SIN3A: variants seen among roughly 807,000 people sequenced by gnomAD.
SIN3A encodes SIN3 transcription regulator family member A.
In SIN3A, 14 loss-of-function variants were observed where a neutral mutation model predicts 146.1. The observed-to-expected ratio is 0.10, with a 90% CI of 0.06 to 0.15. The LOEUF is 0.15. SIN3A is among the 10% of genes least tolerant of loss of function. SIN3A has a pLI of 1.00. For missense variants in SIN3A, 1,028 were observed against 1,576.0 expected, an observed-to-expected ratio of 0.65 and a Z score of 5.89; for synonymous variants, 572 against 572.0, an observed-to-expected ratio of 1.00 and a Z score of 0.00.
intron 6 of SIN3A, 96 bp downstream of exon 6, chr15:75,411,396 G>C: frequency 2.5e-5 from 31 of 1,246,952 alleles, no homozygotes; most frequent in Non-Finnish European, 3.4e-5. Flanking sequence ...TTAATTTCCA[G>C]TATGAATTAA....
chr15:75,386,460 C>G (rs2073081913), intron 16 of SIN3A, among the ~76,000 whole-genome samples: 1 of 152,218 alleles, frequency 6.6e-6, no homozygotes, highest in Admixed American at 6.5e-5. Context: ...ACTCCCACCC[C>G]CACTGCTAAG....
chr15:75,405,225 G>C (rs953796688), intron 9 of SIN3A, among the ~76,000 whole-genome samples: 3 of 151,806 alleles, frequency 2.0e-5, no homozygotes, highest in African/African-American at 7.3e-5. Context: ...ACATTAGCCA[G>C]GCGTTGTGGC....
chr15:75,376,237 T>A (rs2072853358), intron 19 of SIN3A: 2 of 232,988 alleles, frequency 8.6e-6, no homozygotes, highest in Middle Eastern at 1.6e-3. Flanking sequence ...CCTCAACTTT[T>A]CACTTACTGT....
At chr15:75,452,949 A>C (rs543118331), upstream of SIN3A, 1 of 152,382 alleles carries the variant, frequency 6.6e-6, no homozygotes, top group South Asian at 2.1e-4. Flanking sequence ...TCGAACACAC[A>C]GTGAGACAAA....
intron 20 of SIN3A, among the ~76,000 whole-genome samples, chr15:75,373,144 G>A (rs1031661195): frequency 5.3e-5 from 8 of 152,180 alleles, no homozygotes; most frequent in Non-Finnish European, 1.2e-4. Context: ...TACTAGAAGA[G>A]ATACAAAGAC....
At chr15:75,413,171 G>T in intron 4 of SIN3A, 126 bp from the exon 5 acceptor site, 1 of 880,588 alleles carries the variant, frequency 1.1e-6, no homozygotes, top group Non-Finnish European at 1.6e-6. Flanking sequence ...GGACTGCAAT[G>T]GTGCAATCTT....
At chr15:75,404,837 G>A (rs185168560) in intron 9 of SIN3A, among the ~76,000 whole-genome samples, 10 of 152,032 alleles carry the variant, frequency 6.6e-5, no homozygotes, top group African/African-American at 2.4e-4. Flanking sequence ...CTTATTTTCA[G>A]AAGACTCCTT....
intron 1 of SIN3A, among the ~76,000 whole-genome samples, chr15:75,441,985 T>C (rs1244727179): frequency 6.6e-6 from 1 of 151,532 alleles, no homozygotes; most frequent in African/African-American, 2.4e-5. Flanking sequence ...CTGGGTGCAG[T>C]GGCACGCACC....
chr15:75,411,330 AAAAC>A (rs542077189), intron 6 of SIN3A, among the ~76,000 whole-genome samples, 158 bp downstream of exon 6: 25 of 152,348 alleles, frequency 1.6e-4, no homozygotes, highest in South Asian at 4.1e-4. Context: ...TCCGTCTCGA[AAAAC>A]AAACAAACAA....
At chr15:75,377,576 G>C (rs2072885709) in intron 19 of SIN3A, among the ~76,000 whole-genome samples, 1 of 150,954 alleles carries the variant, frequency 6.6e-6, no homozygotes. Context: ...AGTAAGCCAA[G>C]ATCGCGCCAC....
intron 1 of SIN3A, among the ~76,000 whole-genome samples, chr15:75,431,064 C>A (rs1313802962): frequency 6.6e-6 from 1 of 152,214 alleles, no homozygotes; most frequent in Non-Finnish European, 1.5e-5. Context: ...GCGTGAGCCA[C>A]CGCGCCCGGC....
chr15:75,396,804 C>G (rs2073313803), intron 12 of SIN3A, among the ~76,000 whole-genome samples: 1 of 152,200 alleles, frequency 6.6e-6, no homozygotes, highest in South Asian at 2.1e-4. Flanking sequence ...GCTGCCGCCA[C>G]CACCACCGTG....
At chr15:75,441,514 G>C (rs774397777) in intron 1 of SIN3A, among the ~76,000 whole-genome samples, 24 of 151,996 alleles carry the variant, frequency 1.6e-4, no homozygotes, top group African/African-American at 5.8e-4. Flanking sequence ...GGCCGGTCTT[G>C]AACTCCTGGC....
chr15:75,399,299 C>T (rs1290161568), intron 12 of SIN3A, among the ~76,000 whole-genome samples: 2 of 152,186 alleles, frequency 1.3e-5, no homozygotes, highest in African/African-American at 2.4e-5. Context: ...GAGGCCGAGA[C>T]GGGTGGATCA....
At chr15:75,386,084 C>G (rs974110662) in intron 16 of SIN3A, among the ~76,000 whole-genome samples, 2 of 152,184 alleles carry the variant, frequency 1.3e-5, no homozygotes, top group African/African-American at 4.8e-5. Flanking sequence ...GCAGTGGCAT[C>G]GTGATCTTGG....
intron 1 of SIN3A, among the ~76,000 whole-genome samples, chr15:75,440,037 G>C (rs1294521659): frequency 6.6e-6 from 1 of 151,514 alleles, no homozygotes; most frequent in Non-Finnish European, 1.5e-5. Context: ...TGTAATCCCA[G>C]CAACTTTGGA....
chr15:75,382,577 A>G (rs898069402), intron 17 of SIN3A, among the ~76,000 whole-genome samples: 11 of 152,210 alleles, frequency 7.2e-5, no homozygotes, highest in African/African-American at 2.7e-4. Flanking sequence ...TTAATTCTCT[A>G]AAAAGTGAAT....
In SIN3A at chr15:75,396,388, T is replaced by C; in HGVS notation, c.1963A>G (p.Asn655Asp). ...ACTTCTGATGTGCCCCCAAGGGTGT[T>C]GTCCAAGCGAAATTTGGCTTGTTCT... ...AEEQAKFRLD[N>D]TLGGTSEVIH... The change falls in exon 13 of 21, where the codon AAC (asparagine) becomes GAC (aspartate). Residue 655 changes from asparagine (N) to aspartate (D), a missense_variant. Physicochemically the swap from Asn to Asp is conservative, Grantham distance 23 (BLOSUM62 1). Transcript: ENST00000394947. 6.2e-7 allele frequency: 1 copy of C among 1,614,208 alleles called. No individual in the cohort carries two copies. Among genetic ancestry groups the C allele is most frequent in the Non-Finnish European group, 8.5e-7 (1 of 1,180,026 alleles).
chr15:75,416,487 G>A (rs748628470), intron 3 of SIN3A, among the ~76,000 whole-genome samples: 2 of 152,096 alleles, frequency 1.3e-5, no homozygotes, highest in Non-Finnish European at 2.9e-5. Context: ...CAGCATGCCT[G>A]GCTAATTTTT....
Sources: gnomAD v4.1 joint callset for allele counts (sites outside exome capture counted in the v4.1 genomes callset) on GRCh38, gnomAD v4.1.1 for gene constraint, MANE v1.5 for transcripts, NCBI Gene and HGNC (gene_info 2026-07-23, HGNC 2026-07-21) for gene names.